The following OR4M1 variants were observed in gnomAD, a reference collection of about 807,000 sequenced individuals.
OR4M1 encodes olfactory receptor 4M1.
OR4M1 carries 7 observed loss-of-function variants against 9.8 expected under a neutral mutation model. The ratio of observed to expected loss-of-function variants is 0.71; its 90% confidence interval spans 0.41 to 1.34. The LOEUF is 1.34. OR4M1 is among the 40% of genes most tolerant of loss of function. The pLI is 0.01. For synonymous variants in OR4M1, 121 were observed against 139.8 expected (o/e 0.87, Z 0.95); for missense variants, 331 against 380.4 (o/e 0.87, Z 1.08).
At chr14:19,773,646 G>A (rs575307342) in intron 1 of OR4M1, 53 bp downstream of exon 1, 9 of 152,386 alleles carry the variant, frequency 5.9e-5, no homozygotes, top group African/African-American at 2.2e-4. Context: ...TTTTGAGACA[G>A]TAGGATAGAT....
Position 19,781,449 on chromosome 14 carries a change from C to T in OR4M1, c.*185C>T. Reference sequence around the variant, plus strand: ...AGGCATTAAGATGAAAATAAATTTACTCACACCTACCCTGAAATTCCAGGC... The same window carrying T: ...AGGCATTAAGATGAAAATAAATTTATTCACACCTACCCTGAAATTCCAGGC... On this transcript the variant is annotated 3_prime_UTR_variant, in exon 2 of 2. Transcript: ENST00000641200. The T allele has an allele frequency of 4.9e-6, 3 of 607,082 alleles. No homozygotes were observed. Among genetic ancestry groups the T allele is most frequent in the South Asian group, 2.6e-5 (1 of 38,136 alleles). The allele number at this position is 607,082 out of a possible 1,614,324, so 37.6% of individuals were successfully genotyped here.
chr14:19,776,606 TC>T (rs1378412698), intron 1 of OR4M1, among the ~76,000 whole-genome samples: 1 of 152,144 alleles, frequency 6.6e-6, no homozygotes, highest in African/African-American at 2.4e-5. Flanking sequence ...GGAATAGACA[TC>T]CCCTCCTCAA....
intron 1 of OR4M1, among the ~76,000 whole-genome samples, chr14:19,775,558 T>G (rs1878286366): frequency 6.8e-6 from 1 of 147,292 alleles, no homozygotes; most frequent in Non-Finnish European, 1.5e-5. Context: ...TAATATATAT[T>G]ATAATATATA....
intron 1 of OR4M1, among the ~76,000 whole-genome samples, chr14:19,778,388 C>T (rs1394779601): frequency 1.3e-5 from 2 of 152,142 alleles, no homozygotes; most frequent in African/African-American, 4.8e-5. Context: ...TGCATCATGT[C>T]CCCATAATAA....
chr14:19,775,428 A>T lies in OR4M1; in HGVS notation c.-30+1835A>T, dbSNP rs537494595. ...TAGCCACCCTGCAGGCTGCAACTCT[A>T]TGAGAAATAAAGGTCCTCCTTTCCA... On this transcript the variant is annotated intron_variant, in intron 1 of 1. Transcript: ENST00000641200. Among the ~76,000 whole-genome samples, 23 of 152,054 alleles carry T rather than the reference A, an allele frequency of 1.5e-4. No homozygotes were observed. The East Asian group carries it at 3.7e-3, about 24-fold the overall frequency.
rs2138433985 is a variant in OR4M1 at position 19,782,075 on chromosome 14, T to A, written c.*811T>A. On this transcript the variant is annotated 3_prime_UTR_variant, in exon 2 of 2. Coordinates refer to ENST00000641200, the MANE Select transcript of OR4M1 (RefSeq NM_001005500.2). ...TGGAATTGGTAGACATCTAGCCGTG[T>A]AGTTTTTTTCTAAACTATCATCTCC... 6.6e-6 allele frequency: 1 copy of A among 152,426 alleles called. No individual in the cohort carries two copies. The highest frequency in any genetic ancestry group is 1.5e-5 in the Non-Finnish European group (1 of 68,072). 9.4% of individuals were successfully genotyped at this position (152,426 alleles called of 1,614,324 possible).
intron 1 of OR4M1, among the ~76,000 whole-genome samples, chr14:19,776,114 A>G (rs1416577586): frequency 3.9e-5 from 6 of 152,206 alleles, no homozygotes; most frequent in Non-Finnish European, 7.3e-5. Context: ...AGGAAAATTA[A>G]TTCGCATTAT....
chr14:19,774,801 A>G (rs1411756944), intron 1 of OR4M1, among the ~76,000 whole-genome samples: 2 of 152,070 alleles, frequency 1.3e-5, no homozygotes, highest in Non-Finnish European at 2.9e-5. Context: ...TATTATTTCC[A>G]TTGCACTGAT....
chr14:19,776,421 G>A (rs1878310710), intron 1 of OR4M1, among the ~76,000 whole-genome samples: 1 of 152,206 alleles, frequency 6.6e-6, no homozygotes, highest in Non-Finnish European at 1.5e-5. Flanking sequence ...GTACTCCTGG[G>A]TATTTCCATA....
intron 1 of OR4M1, among the ~76,000 whole-genome samples, chr14:19,779,554 C>A (rs1450843280): frequency 6.6e-6 from 1 of 152,204 alleles, no homozygotes; most frequent in Non-Finnish European, 1.5e-5. Context: ...AGCTCAGAAT[C>A]AAATTGGGTA....
Position 19,781,248 on chromosome 14 carries a change from T to G in OR4M1, c.926T>G (p.Leu309Trp), listed in dbSNP as rs150173493. The change falls in exon 2 of 2, where the codon TTG becomes TGG. Residue 309 changes from leucine (L) to tryptophan (W), a missense_variant. Physicochemically the swap from Leu to Trp is moderately conservative, Grantham distance 61. Coordinates refer to ENST00000641200, the MANE Select transcript of OR4M1 (RefSeq NM_001005500.2). Reference protein sequence around the residue: ...AMRKVVTKYILCEEK With the variant: ...AMRKVVTKYIWCEEK ...AGGAAGGTGGTCACCAAATATATTT[T>G]GTGTGAAGAGAAGTGAAAGATAAAT... 6.0e-5 allele frequency: 97 copies of G among 1,608,474 alleles called. No individual in the cohort carries two copies. In the African/African-American group the frequency reaches 1.2e-3, roughly 20 times the overall value.
rs531115200 is a variant in OR4M1 at position 19,780,346 on chromosome 14, G to T, written c.24G>T (p.Lys8Asn). 95 of 1,612,454 alleles carry T rather than the reference G, an allele frequency of 5.9e-5. No homozygotes were observed. The South Asian group carries it at 1.0e-3, about 17-fold the overall frequency. ...AAATGGAAACTGCAAATTACACCAA[G>T]GTGACAGAATTTGTTCTCACTGGCC... METANYT[K>N]VTEFVLTGLS... The change falls in exon 2 of 2, where the codon AAG (lysine) becomes AAT (asparagine). Residue 8 changes from lysine (K) to asparagine (N), a missense_variant. Lys to Asn is a moderately conservative substitution (Grantham distance 94). This residue lies in a region of OR4M1 where 209 missense variants were observed against 200.0 expected (regional missense o/e 1.04). Transcript: ENST00000641200.
rs1010450469 is a variant in OR4M1, at chr14:19,782,571, T to C, written c.*1307T>C. On this transcript the variant is annotated 3_prime_UTR_variant, in exon 2 of 2. Transcript: ENST00000641200. ...TAGAGTTACTATTTATTTACAGAGATTTATTTATTAATTGAGGAGGTAATT... is the reference window on the plus strand; with the variant it reads ...TAGAGTTACTATTTATTTACAGAGACTTATTTATTAATTGAGGAGGTAATT... 4 of 152,224 alleles carry C rather than the reference T, an allele frequency of 2.6e-5. No individual in the cohort carries two copies. Among genetic ancestry groups the C allele is most frequent in the Non-Finnish European group, 5.9e-5 (4 of 68,024 alleles). 9.4% of individuals were successfully genotyped at this position (152,224 alleles called of 1,614,324 possible). A position where few individuals can be genotyped will look rare whatever the true frequency, so the allele number is the denominator to read the frequency against.
chr14:19,781,369 T>TTAAAATTATAG lies in OR4M1; in HGVS notation c.*112_*113insATAGTAAAATT. The TTAAAATTATAG allele has an allele frequency of 1.9e-6, 2 of 1,063,568 alleles. No individual in the cohort carries two copies. The highest frequency in any genetic ancestry group is 2.7e-6 in the Non-Finnish European group (2 of 754,222). 65.9% of individuals were successfully genotyped at this position (1,063,568 alleles called of 1,614,324 possible). ...TCACTTCCTCCGTTCATTTGTGTTC[T>TTAAAATTATAG]TAAAATTTTACTATAATTTTTCTCT... On this transcript the variant is annotated 3_prime_UTR_variant, in exon 2 of 2. Transcript: ENST00000641200.
In OR4M1 at chr14:19,781,566, G is replaced by A. The variant is rs1339943243; in HGVS notation, c.*302G>A. On this transcript the variant is annotated 3_prime_UTR_variant, in exon 2 of 2. Coordinates refer to ENST00000641200, the MANE Select transcript of OR4M1 (RefSeq NM_001005500.2). The stretch of plus-strand genomic sequence containing the variant: ...GAGTAACTACTCTGCAGAGGCTCTG[G>A]CTTTGAGGGGAACATGTTGATAAAA... 6.3e-6 allele frequency: 2 copies of A among 318,656 alleles called. No homozygotes were observed. Among genetic ancestry groups the A allele is most frequent in the Non-Finnish European group, 1.1e-5 (2 of 173,986 alleles). The allele number at this position is 318,656 out of a possible 1,614,324, so 19.7% of individuals were successfully genotyped here.
At position 19,777,046 on chromosome 14, in the gene OR4M1, ATATT is replaced by A. The variant is rs1184697828; in HGVS notation, c.-29-3247_-29-3244del. On this transcript the variant is annotated intron_variant, in intron 1 of 1. Coordinates refer to ENST00000641200, the MANE Select transcript of OR4M1 (RefSeq NM_001005500.2). ...TATATATATATATATATATATATATATATTGTTTGTTTGTTTTTCCTGTAATGTT... is the reference window on the plus strand; with the variant it reads ...TATATATATATATATATATATATATAGTTTGTTTGTTTTTCCTGTAATGTT... Among the ~76,000 whole-genome samples the A allele has an allele frequency of 3.6e-3, 431 of 121,238 alleles. 3 individuals are homozygous for A. Among genetic ancestry groups the A allele is most frequent in the African/African-American group, 0.011 (370 of 32,232 alleles). 79.5% of individuals were successfully genotyped at this position (121,238 alleles called of 152,430 possible).
At chr14:19,773,784 G>A (rs1407565792) in intron 1 of OR4M1, among the ~76,000 whole-genome samples, 191 bp downstream of exon 1, 4 of 151,838 alleles carry the variant, frequency 2.6e-5, no homozygotes, top group Non-Finnish European at 5.9e-5. Flanking sequence ...AGAGTGGGTG[G>A]ACAAATTGTT....
chr14:19,775,546 T>G (rs1311405073), intron 1 of OR4M1, among the ~76,000 whole-genome samples: 1 of 147,432 alleles, frequency 6.8e-6, no homozygotes, highest in Non-Finnish European at 1.5e-5. Context: ...ATATATATAA[T>G]ATAATATATA....
At chr14:19,780,135 A>G (rs559565799) in intron 1 of OR4M1, 159 bp from the exon 2 acceptor site, 13 of 652,630 alleles carry the variant, frequency 2.0e-5, no homozygotes, top group Non-Finnish European at 2.7e-5. Flanking sequence ...AGTTCATCAC[A>G]TACTTTCTCT....
Sources: allele counts gnomAD v4.1 joint callset (sites outside exome capture counted in the v4.1 genomes callset), GRCh38; gene constraint gnomAD v4.1.1; regional missense constraint gnomAD v4.1.1; transcripts MANE v1.5; gene names NCBI Gene and HGNC (gene_info 2026-07-23, HGNC 2026-07-21).